TBL1XR1: variants seen among roughly 807,000 people sequenced by gnomAD.
TBL1XR1 encodes the protein TBL1X/Y related 1, also known as F-box-like/WD repeat-containing protein TBL1XR1.
Under a neutral mutation model 66.9 loss-of-function variants are expected in TBL1XR1, and 5 were observed. That is an observed-to-expected ratio of 0.07 (90% confidence interval 0.04 to 0.16). The LOEUF is 0.16. TBL1XR1 is among the 10% of genes least tolerant of loss of function. The pLI is 1.00. For synonymous variants in TBL1XR1, 210 were observed against 206.0 expected (o/e 1.02, Z -0.17); for missense variants, 238 against 623.2 (o/e 0.38, Z 6.58).
chr3:177,103,187 T>C (rs543460672), intron 1 of TBL1XR1, among the ~76,000 whole-genome samples: 1 of 152,328 alleles, frequency 6.6e-6, no homozygotes, highest in East Asian at 1.9e-4. Flanking sequence ...CCTGGTTATA[T>C]ACCAGTAACT....
chr3:177,081,462 A>G (rs1057203400), intron 2 of TBL1XR1, among the ~76,000 whole-genome samples: 3 of 152,164 alleles, frequency 2.0e-5, no homozygotes, highest in Non-Finnish European at 2.9e-5. Flanking sequence ...CAGATATTTA[A>G]TAACAGGTGG....
At chr3:177,166,701 T>A (rs1732864503) in intron 1 of TBL1XR1, among the ~76,000 whole-genome samples, 1 of 152,188 alleles carries the variant, frequency 6.6e-6, no homozygotes, top group South Asian at 2.1e-4. Context: ...CTCTTTTCTA[T>A]ATAAATTACC....
chr3:177,032,542 T>C (rs1372475487), intron 14 of TBL1XR1: 3 of 152,804 alleles, frequency 2.0e-5, no homozygotes, highest in Admixed American at 1.3e-4. Flanking sequence ...TGAAACACCA[T>C]ACATACTACC....
rs76439354 is a variant in TBL1XR1, at chr3:177,089,552, G to A, written c.-46+8914C>T. On this transcript the variant is annotated intron_variant, in intron 2 of 15. Coordinates refer to ENST00000457928, the MANE Select transcript of TBL1XR1 (RefSeq NM_024665.7). ...GTATCAGCCTCCTTTTCCCTTTCTGGCTTCTCCACAGGAACTTTCTAGATC... is the reference window on the plus strand; with the variant it reads ...GTATCAGCCTCCTTTTCCCTTTCTGACTTCTCCACAGGAACTTTCTAGATC... Among the ~76,000 whole-genome samples, 41 of 152,210 alleles carry A rather than the reference G, an allele frequency of 2.7e-4. 1 individual carries two copies. The East Asian group carries it at 7.0e-3, about 26-fold the overall frequency.
chr3:177,124,644 C>T lies in TBL1XR1; in HGVS notation c.-121-26103G>A, dbSNP rs551225032. Among the ~76,000 whole-genome samples the T allele has an allele frequency of 9.2e-5, 14 of 152,174 alleles. No homozygotes were observed. In the South Asian group the frequency reaches 2.5e-3, roughly 27 times the overall value. ...ATGTGTGACCTATCAATTTCAAAAACCTATTCCAGTTTCTCCTTAAAGACT... is the reference window on the plus strand; with the variant it reads ...ATGTGTGACCTATCAATTTCAAAAATCTATTCCAGTTTCTCCTTAAAGACT... On this transcript the variant is annotated intron_variant, in intron 1 of 15. Transcript: ENST00000457928.
chr3:177,098,609 C>A (rs552951698), intron 1 of TBL1XR1, 68 bp from the exon 2 acceptor site: 1 of 791,236 alleles, frequency 1.3e-6, no homozygotes, highest in African/African-American at 1.9e-5. Flanking sequence ...ATTTTCCATA[C>A]CAAATGTTAC....
chr3:177,148,629 C>G (rs1048405292), intron 1 of TBL1XR1, among the ~76,000 whole-genome samples: 1 of 151,962 alleles, frequency 6.6e-6, no homozygotes, highest in African/African-American at 2.4e-5. Flanking sequence ...GCAGGAGAAT[C>G]ACTTGAACCC....
At chr3:177,059,174 A>G (rs1436459818) in intron 3 of TBL1XR1, among the ~76,000 whole-genome samples, 1 of 152,194 alleles carries the variant, frequency 6.6e-6, no homozygotes, top group East Asian at 1.9e-4. Flanking sequence ...CTAGAAGCAC[A>G]TTACTGATAA....
rs1712669016 is a variant in TBL1XR1 at position 177,023,550 on chromosome 3, A to T, written c.*1948T>A. ...CCTCTCTTGATGTAAATTTTTAAAA[A>T]TATTATTACAGTATCATAGTCCCCA... On this transcript the variant is annotated 3_prime_UTR_variant, in exon 16 of 16. Coordinates refer to ENST00000457928, the MANE Select transcript of TBL1XR1 (RefSeq NM_024665.7). The T allele has an allele frequency of 6.6e-6, 1 of 152,668 alleles. No homozygotes were observed. The highest frequency in any genetic ancestry group is 2.4e-5 in the African/African-American group (1 of 41,576). The allele number at this position is 152,668 out of a possible 1,614,324, so 9.5% of individuals were successfully genotyped here.
chr3:177,087,246 A>C (rs1217801827), intron 2 of TBL1XR1, among the ~76,000 whole-genome samples: 1 of 151,794 alleles, frequency 6.6e-6, no homozygotes, highest in Non-Finnish European at 1.5e-5. Flanking sequence ...AATTAAACTA[A>C]TCAAAATGGT....
chr3:177,047,222 T>A, intron 9 of TBL1XR1, 78 bp downstream of exon 9: 1 of 1,181,448 alleles, frequency 8.5e-7, no homozygotes, highest in Non-Finnish European at 1.2e-6. Flanking sequence ...GTTTATGTAA[T>A]TGGCAGCTAA....
chr3:177,072,013 C>T (rs939435916), intron 2 of TBL1XR1, among the ~76,000 whole-genome samples: 2 of 152,160 alleles, frequency 1.3e-5, no homozygotes, highest in African/African-American at 4.8e-5. Context: ...GAGGCCCTAC[C>T]GTGTACATTC....
intron 1 of TBL1XR1, among the ~76,000 whole-genome samples, chr3:177,164,378 T>C (rs544009544): frequency 6.7e-6 from 1 of 148,392 alleles, no homozygotes; most frequent in South Asian, 2.1e-4. Flanking sequence ...AAATGTGGAG[T>C]CTTGCCTGTC....
At chr3:177,114,893 C>T (rs1726115134) in intron 1 of TBL1XR1, among the ~76,000 whole-genome samples, 2 of 151,866 alleles carry the variant, frequency 1.3e-5, no homozygotes, top group African/African-American at 4.8e-5. Flanking sequence ...GCAGGAGGAC[C>T]CCTTGAGCCC....
chr3:177,109,960 C>T (rs931941219), intron 1 of TBL1XR1, among the ~76,000 whole-genome samples: 1 of 152,170 alleles, frequency 6.6e-6, no homozygotes, highest in African/African-American at 2.4e-5. Context: ...CCGCTTACTA[C>T]TGGAAGGCAT....
chr3:177,066,763 T>C (rs769936209), intron 2 of TBL1XR1, among the ~76,000 whole-genome samples: 2 of 152,112 alleles, frequency 1.3e-5, no homozygotes, highest in East Asian at 1.9e-4. Flanking sequence ...ACTGGATGCA[T>C]AGTTGAGGCA....
intron 1 of TBL1XR1, among the ~76,000 whole-genome samples, chr3:177,129,546 TACTTTAAGTC>T: frequency 6.6e-6 from 1 of 152,302 alleles, no homozygotes; most frequent in East Asian, 1.9e-4. Context: ...AATGAATAGA[TACTTTAAGTC>T]AGGATAATGG....
chr3:177,109,734 G>T (rs1452930944), intron 1 of TBL1XR1, among the ~76,000 whole-genome samples: 3 of 151,930 alleles, frequency 2.0e-5, no homozygotes, highest in African/African-American at 7.3e-5. Flanking sequence ...TATGAAAAAA[G>T]AAAAAGTCCA....
At chr3:177,151,759 G>GT (rs1278032468) in intron 1 of TBL1XR1, among the ~76,000 whole-genome samples, 3 of 152,122 alleles carry the variant, frequency 2.0e-5, no homozygotes, top group African/African-American at 7.2e-5. Flanking sequence ...TTCCCAGACG[G>GT]GCACGGTGGC....
Sources: gnomAD v4.1 joint callset for allele counts (sites outside exome capture counted in the v4.1 genomes callset) on GRCh38, gnomAD v4.1.1 for gene constraint, MANE v1.5 for transcripts, NCBI Gene and HGNC (gene_info 2026-07-23, HGNC 2026-07-21) for gene names.